The following FRMD5 variants were observed in gnomAD, a reference collection of about 807,000 sequenced individuals.
FRMD5 encodes FERM domain containing 5.
A neutral mutation model predicts 69.0 loss-of-function variants in FRMD5; 20 were observed. The ratio of observed to expected loss-of-function variants is 0.29; its 90% confidence interval spans 0.20 to 0.42. The LOEUF (loss-of-function observed/expected upper bound fraction) is 0.42, where lower values mean the gene tolerates loss of function less well. Ranked by LOEUF, FRMD5 falls within the 10% of genes least tolerant of loss-of-function variation. The pLI, the probability that FRMD5 is intolerant of heterozygous loss-of-function variation, is 1.00. For missense variants in FRMD5, 595 were observed against 708.6 expected, an observed-to-expected ratio of 0.84 and a Z score of 1.82; for synonymous variants, 271 against 260.1, an observed-to-expected ratio of 1.04 and a Z score of -0.40.
chr15:44,051,201 G>C (rs1892650940), intron 1 of FRMD5, among the ~76,000 whole-genome samples: 1 of 131,982 alleles, frequency 7.6e-6, no homozygotes, highest in Non-Finnish European at 1.6e-5. Flanking sequence ...ACCCAGGCTG[G>C]AGTGCAGTCA....
rs531124304 is a variant in FRMD5, at chr15:44,143,818, G to A, written c.102+51135C>T. On this transcript the variant is annotated intron_variant, in intron 1 of 13. Coordinates refer to ENST00000417257, the MANE Select transcript of FRMD5 (RefSeq NM_032892.5). ...CACGCACCTGTTGTCCCAGCTACTC[G>A]GGAGGCTGAGGCAGGAAATCGCTTG... 2.2e-4 allele frequency among the ~76,000 whole-genome samples: 33 copies of A among 151,118 alleles called. No homozygotes were observed. In the East Asian group the frequency reaches 2.5e-3, roughly 12 times the overall value.
At chr15:44,012,220 A>C (rs546903873) in intron 1 of FRMD5, among the ~76,000 whole-genome samples, 1 of 152,336 alleles carries the variant, frequency 6.6e-6, no homozygotes, top group Non-Finnish European at 1.5e-5. Context: ...TCCCAAAGAC[A>C]AGTGAAATGG....
At chr15:43,917,632 G>A (rs149118538) in intron 4 of FRMD5, 4,016 of 152,044 alleles carry the variant, frequency 0.026, 88 homozygotes, top group Non-Finnish European at 0.038. Flanking sequence ...TGATCCGCCC[G>A]CCTCAGCCTC....
Position 43,919,259 on chromosome 15 carries a change from AG to A in FRMD5, c.329+199del, listed in dbSNP as rs779141885. 3 of 724,418 alleles carry A rather than the reference AG, an allele frequency of 4.1e-6. No homozygotes were observed. In the African/African-American group the frequency reaches 5.2e-5, roughly 13 times the overall value. 44.9% of individuals were successfully genotyped at this position (724,418 alleles called of 1,614,324 possible). A position where few individuals can be genotyped will look rare whatever the true frequency, so the allele number is the denominator to read the frequency against. On this transcript the variant is annotated intron_variant, in intron 4 of 13. Transcript: ENST00000417257. The stretch of plus-strand genomic sequence containing the variant: ...GTATTCACACTTCTTGAAGGAAAGA[AG>A]TCCACTCTGTTGCGACTGCACTGAG...
Position 43,951,227 on chromosome 15 carries a change from T to C in FRMD5, c.103-26918A>G, listed in dbSNP as rs939603032. On this transcript the variant is annotated intron_variant, in intron 1 of 13. Coordinates refer to ENST00000417257, the MANE Select transcript of FRMD5 (RefSeq NM_032892.5). ...GAAGGTCAGGAGATCGAGACCATCC[T>C]GGCTAATACGGTGAAACCCTGTCTG... Among the ~76,000 whole-genome samples the C allele has an allele frequency of 7.2e-5, 11 of 152,226 alleles. No individual in the cohort carries two copies. The South Asian group carries it at 2.3e-3, about 32-fold the overall frequency.
intron 1 of FRMD5, among the ~76,000 whole-genome samples, chr15:44,042,730 C>A (rs986992733): frequency 2.0e-5 from 3 of 152,198 alleles, no homozygotes; most frequent in Non-Finnish European, 4.4e-5. Flanking sequence ...ATTCAACAGC[C>A]TTCATGCTAA....
intron 1 of FRMD5, among the ~76,000 whole-genome samples, chr15:44,018,512 T>A (rs1891068705): frequency 6.6e-6 from 1 of 152,136 alleles, no homozygotes; most frequent in African/African-American, 2.4e-5. Context: ...AAAAAAAGTA[T>A]CACTTTGGGG....
intron 1 of FRMD5, among the ~76,000 whole-genome samples, chr15:44,168,867 A>G (rs1467502025): frequency 6.6e-6 from 1 of 152,108 alleles, no homozygotes; most frequent in Non-Finnish European, 1.5e-5. Context: ...ACTAAACGCT[A>G]TTTCATCCTA....
chr15:43,971,015 C>T (rs143784165), intron 1 of FRMD5, among the ~76,000 whole-genome samples: 274 of 151,868 alleles, frequency 1.8e-3, no homozygotes, highest in Non-Finnish European at 2.7e-3. Context: ...TTTGGGAGGG[C>T]GAGGAAGGCG....
chr15:43,923,470 A>T (rs892052580), intron 2 of FRMD5, among the ~76,000 whole-genome samples: 1 of 152,202 alleles, frequency 6.6e-6, no homozygotes, highest in African/African-American at 2.4e-5. Context: ...TAGCTGGAAG[A>T]AGGGTGTGGA....
intron 1 of FRMD5, among the ~76,000 whole-genome samples, chr15:44,045,429 T>A (rs533291210): frequency 6.6e-6 from 1 of 152,296 alleles, no homozygotes; most frequent in South Asian, 2.1e-4. Flanking sequence ...CTCTGGAGTA[T>A]CTTGACTACA....
In FRMD5 at chr15:44,068,660, G is replaced by A. The variant is rs569888029; in HGVS notation, c.102+126293C>T. ...ATTCCTTTTTTGCAGTGATAAAAATGTTCTGAAATTACATACTGGTGATGT... is the reference window on the plus strand; with the variant it reads ...ATTCCTTTTTTGCAGTGATAAAAATATTCTGAAATTACATACTGGTGATGT... On this transcript the variant is annotated intron_variant, in intron 1 of 13. Coordinates refer to ENST00000417257, the MANE Select transcript of FRMD5 (RefSeq NM_032892.5). Among the ~76,000 whole-genome samples, 4 of 152,274 alleles carry A rather than the reference G, an allele frequency of 2.6e-5. 1 individual carries two copies. The East Asian group carries it at 7.7e-4, about 29-fold the overall frequency.
chr15:44,100,346 C>T (rs775882305), intron 1 of FRMD5, among the ~76,000 whole-genome samples: 14 of 151,852 alleles, frequency 9.2e-5, no homozygotes, highest in Non-Finnish European at 1.8e-4. Context: ...CATGAGCCAT[C>T]GTGCCAGGCC....
At chr15:43,975,540 C>T (rs1294758002) in intron 1 of FRMD5, among the ~76,000 whole-genome samples, 1 of 152,162 alleles carries the variant, frequency 6.6e-6, no homozygotes, top group East Asian at 1.9e-4. Context: ...CAATGAGACA[C>T]CACTTTACAC....
intron 7 of FRMD5, among the ~76,000 whole-genome samples, chr15:43,900,460 T>C (rs947344724): frequency 1.3e-5 from 2 of 152,100 alleles, no homozygotes; most frequent in Non-Finnish European, 2.9e-5. Flanking sequence ...GCTGTGCTAG[T>C]GGATAGGGAA....
intron 1 of FRMD5, among the ~76,000 whole-genome samples, chr15:44,162,385 C>T (rs1226335292): frequency 6.6e-6 from 1 of 150,434 alleles, no homozygotes; most frequent in African/African-American, 2.4e-5. Context: ...TACAGGTCCA[C>T]GCCACCACAC....
chr15:44,090,856 A>T (rs2076462627), intron 1 of FRMD5, among the ~76,000 whole-genome samples: 1 of 152,148 alleles, frequency 6.6e-6, no homozygotes, highest in South Asian at 2.1e-4. Context: ...GAATTTTTTT[A>T]AAAGACTACT....
At chr15:44,140,241 G>C (rs924591278) in intron 1 of FRMD5, among the ~76,000 whole-genome samples, 1 of 151,888 alleles carries the variant, frequency 6.6e-6, no homozygotes, top group African/African-American at 2.4e-5. Context: ...TATGCACAAT[G>C]CAAATTAGAA....
chr15:43,913,566 C>A (rs1356970501), intron 4 of FRMD5, among the ~76,000 whole-genome samples: 1 of 152,244 alleles, frequency 6.6e-6, no homozygotes, highest in Non-Finnish European at 1.5e-5. Context: ...GACCTATTCA[C>A]AAGAGACCCT....
Sources: allele counts gnomAD v4.1 joint callset (sites outside exome capture counted in the v4.1 genomes callset), GRCh38; gene constraint gnomAD v4.1.1; transcripts MANE v1.5; gene names NCBI Gene and HGNC (gene_info 2026-07-23, HGNC 2026-07-21).